ADAMTS3: variants seen among roughly 807,000 people sequenced by gnomAD.
The protein encoded by ADAMTS3 is A disintegrin and metalloproteinase with thrombospondin motifs 3.
ADAMTS3 carries 73 observed loss-of-function variants against 129.0 expected under a neutral mutation model. The observed-to-expected ratio is 0.57, with a 90% confidence interval of 0.47 to 0.69. The LOEUF is 0.69. Among genes scored for constraint, ADAMTS3 ranks in the 30% least tolerant of loss-of-function variants. The pLI, the probability that ADAMTS3 is intolerant of heterozygous loss-of-function variation, is 0.00. For synonymous variants in ADAMTS3, 477 were observed against 510.8 expected (o/e 0.93, Z 0.89); for missense variants, 1,457 against 1,514.5 (o/e 0.96, Z 0.63).
At chr4:72,526,760 A>G in intron 3 of ADAMTS3, among the ~76,000 whole-genome samples, 1 of 137,546 alleles carries the variant, frequency 7.3e-6, no homozygotes, top group Non-Finnish European at 1.5e-5. Flanking sequence ...ATATATATAT[A>G]TATATATATA....
chr4:72,440,644 G>A (rs889514367), intron 3 of ADAMTS3, among the ~76,000 whole-genome samples: 1 of 151,720 alleles, frequency 6.6e-6, no homozygotes, highest in Non-Finnish European at 1.5e-5. Context: ...ACCTCCTTGA[G>A]AGCTTATATT....
chr4:72,321,071 G>A (rs749721858), intron 6 of ADAMTS3, among the ~76,000 whole-genome samples: 19 of 152,168 alleles, frequency 1.2e-4, no homozygotes, highest in Non-Finnish European at 2.4e-4. Flanking sequence ...TTTTACCTGT[G>A]TGAAAGTCAA....
At chr4:72,519,123 C>G (rs1207817596) in intron 3 of ADAMTS3, among the ~76,000 whole-genome samples, 2 of 151,830 alleles carry the variant, frequency 1.3e-5, no homozygotes, top group Non-Finnish European at 2.9e-5. Context: ...ATATGAAATT[C>G]TGGGTTGCAA....
intron 3 of ADAMTS3, among the ~76,000 whole-genome samples, chr4:72,482,043 G>A (rs536894226): frequency 3.9e-5 from 6 of 152,146 alleles, no homozygotes; most frequent in South Asian, 2.1e-4. Flanking sequence ...ACATTCATAC[G>A]TTGCTGGTGG....
At chr4:72,528,241 T>C (rs879223482) in intron 3 of ADAMTS3, among the ~76,000 whole-genome samples, 1 of 152,082 alleles carries the variant, frequency 6.6e-6, no homozygotes, top group African/African-American at 2.4e-5. Flanking sequence ...CATGCTAATT[T>C]GTATTGGTTT....
Position 72,415,028 on chromosome 4 carries a change from C to A in ADAMTS3, c.505-57G>T, listed in dbSNP as rs978228599. ...AAAGAAATATCTATCATCTTCAGCT[C>A]ACAAGCACATCTTTTTAAATGTCAA... is the stretch of plus-strand genomic sequence containing the variant. On this transcript the variant is annotated intron_variant, in intron 3 of 21. Transcript: ENST00000286657. 3.3e-6 allele frequency: 4 copies of A among 1,203,694 alleles called. No homozygotes were observed. The African/African-American group carries it at 6.3e-5, about 19-fold the overall frequency. The allele number at this position is 1,203,694 out of a possible 1,614,324, so 74.6% of individuals were successfully genotyped here. A position where few individuals can be genotyped will look rare whatever the true frequency, so the allele number is the denominator to read the frequency against.
At chr4:72,529,393 T>C (rs1462130459) in intron 3 of ADAMTS3, among the ~76,000 whole-genome samples, 2 of 151,872 alleles carry the variant, frequency 1.3e-5, no homozygotes, top group Non-Finnish European at 2.9e-5. Flanking sequence ...CCCAGAAATC[T>C]GTTTTAGCAA....
chr4:72,341,855 T>C (rs560609935), intron 4 of ADAMTS3, among the ~76,000 whole-genome samples: 1 of 152,262 alleles, frequency 6.6e-6, no homozygotes, highest in African/African-American at 2.4e-5. Flanking sequence ...TCAAGAATAA[T>C]TTGTCCCTAC....
chr4:72,398,330 G>T (rs1273749071), intron 4 of ADAMTS3, among the ~76,000 whole-genome samples: 1 of 152,162 alleles, frequency 6.6e-6, no homozygotes, highest in African/African-American at 2.4e-5. Flanking sequence ...GCCAAGGCAG[G>T]TGGATCACCT....
chr4:72,344,368 G>A (rs372551996), intron 4 of ADAMTS3, among the ~76,000 whole-genome samples: 13 of 152,054 alleles, frequency 8.5e-5, no homozygotes, highest in Admixed American at 7.9e-4. Flanking sequence ...GACAGGAGAC[G>A]AAGGTAAAAT....
Position 72,567,401 on chromosome 4 carries a change from C to G in ADAMTS3, c.70G>C (p.Ala24Pro), listed in dbSNP as rs757047169. The G allele has an allele frequency of 6.3e-7, 1 of 1,575,790 alleles. No homozygotes were observed. Among genetic ancestry groups the G allele is most frequent in the Non-Finnish European group, 8.6e-7 (1 of 1,159,556 alleles). The change falls in exon 2 of 22, where the codon GCT (alanine) becomes CCT (proline). Residue 24 changes from alanine to proline, a missense_variant and splice_region_variant. Transcript: ENST00000286657. ...VEVRTSADGQAGNEEMVQIDL... is the reference protein window; with the variant it reads ...VEVRTSADGQPGNEEMVQIDL... ...ATTTGCACCATTTCTTCATTACCAG[C>G]CTGGAAAGGAGGGGGAAAGCAAGAA...
At chr4:72,558,897 C>A (rs141505650) in intron 2 of ADAMTS3, among the ~76,000 whole-genome samples, 1 of 151,812 alleles carries the variant, frequency 6.6e-6, no homozygotes, top group Non-Finnish European at 1.5e-5. Flanking sequence ...CCAATAAAAT[C>A]TCTACCAGGA....
chr4:72,400,191 T>TAC (rs1721867703), intron 4 of ADAMTS3, among the ~76,000 whole-genome samples: 2 of 138,896 alleles, frequency 1.4e-5, no homozygotes. Flanking sequence ...GGTATGTATA[T>TAC]GTGTGTATAT....
chr4:72,509,590 C>T (rs1720257893), intron 3 of ADAMTS3, among the ~76,000 whole-genome samples: 1 of 151,914 alleles, frequency 6.6e-6, no homozygotes, highest in African/African-American at 2.4e-5. Context: ...TCTGAACAAA[C>T]CAATAACAAG....
In ADAMTS3 at chr4:72,471,700, T is replaced by G. The variant is rs1160079281; in HGVS notation, c.505-56729A>C. Among the ~76,000 whole-genome samples the G allele has an allele frequency of 3.3e-5, 5 of 152,060 alleles. No homozygotes were observed. In the East Asian group the frequency reaches 9.6e-4, roughly 29 times the overall value. ...AAACAATGCCATCTTCCTCTTGAAT[T>G]TTTTTGTTTTTGAAAATATAGCTAC... is the stretch of plus-strand genomic sequence containing the variant. On this transcript the variant is annotated intron_variant, in intron 3 of 21. Transcript: ENST00000286657.
At chr4:72,555,461 C>G (rs1384607966) in intron 2 of ADAMTS3, among the ~76,000 whole-genome samples, 2 of 151,834 alleles carry the variant, frequency 1.3e-5, no homozygotes, top group Non-Finnish European at 2.9e-5. Flanking sequence ...CCATCTTTTC[C>G]AAGAAACCTT....
At chr4:72,485,031 A>G (rs1009676130) in intron 3 of ADAMTS3, among the ~76,000 whole-genome samples, 2 of 152,054 alleles carry the variant, frequency 1.3e-5, no homozygotes, top group Non-Finnish European at 2.9e-5. Flanking sequence ...GGGTTGTAAA[A>G]TGTCAGTAAG....
At chr4:72,386,358 T>C (rs954118293) in intron 4 of ADAMTS3, among the ~76,000 whole-genome samples, 4 of 152,098 alleles carry the variant, frequency 2.6e-5, no homozygotes, top group Non-Finnish European at 4.4e-5. Flanking sequence ...ATTTCATCCA[T>C]CTGTGTCACT....
At chr4:72,408,279 C>G (rs1251117465) in intron 4 of ADAMTS3, among the ~76,000 whole-genome samples, 3 of 151,802 alleles carry the variant, frequency 2.0e-5, no homozygotes, top group Non-Finnish European at 2.9e-5. Context: ...GGAAGATGCC[C>G]GGTAGAAGAC....
Sources: allele counts gnomAD v4.1 joint callset (sites outside exome capture counted in the v4.1 genomes callset), GRCh38; gene constraint gnomAD v4.1.1; transcripts MANE v1.5; gene names NCBI Gene and HGNC (gene_info 2026-07-23, HGNC 2026-07-21).